Variants in SYNDIG1L observed in about 807,000 individuals in gnomAD.
SYNDIG1L encodes the protein synapse differentiation inducing 1 like, also known as synapse differentiation-inducing gene protein 1-like.
In SYNDIG1L, 13 loss-of-function variants were observed where a neutral mutation model predicts 20.1. The ratio of observed to expected loss-of-function variants is 0.65; its 90% CI spans 0.42 to 1.03. The LOEUF (loss-of-function observed/expected upper bound fraction) is 1.03, where lower values mean the gene tolerates loss of function less well. Among genes scored for constraint, SYNDIG1L ranks in the 50% least tolerant of loss-of-function variants. SYNDIG1L has a pLI of 0.00. For missense variants in SYNDIG1L, 294 were observed against 305.1 expected (o/e 0.96, Z 0.27); for synonymous variants, 128 against 129.3 (o/e 0.99, Z 0.07).
chr14:74,413,549 G>A (rs906543722), intron 1 of SYNDIG1L, among the ~76,000 whole-genome samples: 2 of 151,482 alleles, frequency 1.3e-5, no homozygotes, highest in Non-Finnish European at 2.9e-5. Flanking sequence ...CCAGGGGTGG[G>A]AGCACAGGTG....
the SYNDIG1L span, among the ~76,000 whole-genome samples, chr14:74,447,586 CAAAA>C: frequency 3.8e-5 from 5 of 131,588 alleles, no homozygotes; most frequent in Admixed American, 7.8e-5. Flanking sequence ...AACTCTGTCT[CAAAA>C]AAAAAAAAAA....
At chr14:74,444,775 G>A in the SYNDIG1L span, among the ~76,000 whole-genome samples, 15 of 151,314 alleles carry the variant, frequency 9.9e-5, no homozygotes, top group African/African-American at 3.7e-4. Flanking sequence ...AACAAAACAA[G>A]ACAAAAAAAA....
At chr14:74,431,128 A>G (rs962504939), upstream of SYNDIG1L, among the ~76,000 whole-genome samples, 56 of 152,192 alleles carry the variant, frequency 3.7e-4, 1 homozygote, top group African/African-American at 1.3e-3. Context: ...GGGACAATGC[A>G]GAGTGGGCCC....
At chr14:74,443,741 G>A in the SYNDIG1L span, among the ~76,000 whole-genome samples, 2 of 152,298 alleles carry the variant, frequency 1.3e-5, no homozygotes, top group South Asian at 4.2e-4. Flanking sequence ...AGGGAGACCT[G>A]GAGGATGGCT....
chr14:74,415,828 T>G (rs928382700), intron 1 of SYNDIG1L, among the ~76,000 whole-genome samples: 2 of 151,806 alleles, frequency 1.3e-5, no homozygotes, highest in Non-Finnish European at 2.9e-5. Context: ...GATAGTGCTA[T>G]CAAAAAGGAG....
At chr14:74,415,230 T>C (rs1448157624) in intron 1 of SYNDIG1L, among the ~76,000 whole-genome samples, 9 of 152,154 alleles carry the variant, frequency 5.9e-5, no homozygotes, top group Non-Finnish European at 2.9e-5. Context: ...CTCCACCCCT[T>C]GTCGGATGAA....
At chr14:74,445,746 G>A in the SYNDIG1L span, among the ~76,000 whole-genome samples, 1 of 152,046 alleles carries the variant, frequency 6.6e-6, no homozygotes, top group Non-Finnish European at 1.5e-5. Context: ...CAAAGTGCTG[G>A]GATTACAGGC....
At chr14:74,431,881 A>C in the SYNDIG1L span, among the ~76,000 whole-genome samples, 1 of 152,108 alleles carries the variant, frequency 6.6e-6, no homozygotes, top group Non-Finnish European at 1.5e-5. Flanking sequence ...TGCTCTGTTC[A>C]TTTCTCTTTT....
chr14:74,422,532 G>C (rs556878339), intron 1 of SYNDIG1L, among the ~76,000 whole-genome samples: 1 of 152,086 alleles, frequency 6.6e-6, no homozygotes, highest in South Asian at 2.1e-4. Flanking sequence ...TTGGCTTTTG[G>C]ACTTGAAGGT....
chr14:74,412,339 C>T (rs2086138075), intron 1 of SYNDIG1L, among the ~76,000 whole-genome samples: 2 of 152,142 alleles, frequency 1.3e-5, no homozygotes, highest in African/African-American at 2.4e-5. Context: ...TGGATGTGAC[C>T]GTAGGTGTGG....
chr14:74,480,072 C>T, the SYNDIG1L span: 2 of 1,534,740 alleles, frequency 1.3e-6, no homozygotes, highest in Admixed American at 2.0e-5. Flanking sequence ...AATGAAACCA[C>T]CTAAGACAGA....
upstream of SYNDIG1L, among the ~76,000 whole-genome samples, chr14:74,427,198 C>T (rs944426069): frequency 6.8e-6 from 1 of 147,614 alleles, no homozygotes; most frequent in Non-Finnish European, 1.5e-5. Flanking sequence ...AGCGCCTTCA[C>T]AAGGTCTTGA....
At chr14:74,440,386 G>T in the SYNDIG1L span, among the ~76,000 whole-genome samples, 108 of 152,130 alleles carry the variant, frequency 7.1e-4, 1 homozygote, top group Admixed American at 4.5e-3. Flanking sequence ...TGGTTGCAGG[G>T]GCCTGTAGTC....
chr14:74,474,339 G>A, the SYNDIG1L span: 2 of 152,238 alleles, frequency 1.3e-5, no homozygotes, highest in African/African-American at 4.8e-5. Context: ...CCACTGTCTG[G>A]GAGATGCTCT....
At chr14:74,449,464 A>AAAAAAAAAAAAAACAAAAAAC in the SYNDIG1L span, among the ~76,000 whole-genome samples, 1 of 144,754 alleles carries the variant, frequency 6.9e-6, no homozygotes, top group Non-Finnish European at 1.5e-5. Flanking sequence ...AAAAAAAAAA[A>AAAAAAAAAAAAAACAAAAAAC]AGCCAGGCAA....
chr14:74,409,060 A>ATTTAT (rs2086108572), intron 2 of SYNDIG1L, among the ~76,000 whole-genome samples: 1 of 147,564 alleles, frequency 6.8e-6, no homozygotes, highest in African/African-American at 2.5e-5. Context: ...TTATTTATTT[A>ATTTAT]TTTATTTATT....
the SYNDIG1L span, among the ~76,000 whole-genome samples, chr14:74,469,034 C>T: frequency 3.9e-5 from 6 of 152,124 alleles, no homozygotes; most frequent in African/African-American, 1.4e-4. Flanking sequence ...GTCATCCTTC[C>T]CAAAGGGGCC....
upstream of SYNDIG1L, among the ~76,000 whole-genome samples, chr14:74,430,259 C>A (rs150343150): frequency 6.6e-6 from 1 of 152,140 alleles, no homozygotes; most frequent in African/African-American, 2.4e-5. Flanking sequence ...AGCATTTGCA[C>A]CCTGGCAGAG....
the SYNDIG1L span, among the ~76,000 whole-genome samples, chr14:74,451,773 C>T: frequency 1.3e-5 from 2 of 152,050 alleles, no homozygotes; most frequent in South Asian, 2.1e-4. Context: ...GGGTGGATCA[C>T]GAGGTCAGGA....
Sources: gnomAD v4.1 joint callset for allele counts (sites outside exome capture counted in the v4.1 genomes callset) on GRCh38, gnomAD v4.1.1 for gene constraint, MANE v1.5 for transcripts, NCBI Gene and HGNC (gene_info 2026-07-23, HGNC 2026-07-21) for gene names.